Variants in RYR1 observed in about 807,000 individuals in gnomAD.
RYR1 encodes ryanodine receptor 1.
A neutral mutation model predicts 583.5 loss-of-function variants in RYR1; 342 were observed. The observed-to-expected ratio is 0.59, with a 90% confidence interval of 0.54 to 0.64. The LOEUF (loss-of-function observed/expected upper bound fraction) is 0.64. RYR1 is among the 30% of genes least tolerant of loss of function. RYR1 has a pLI of 0.00. For synonymous variants in RYR1, 2,791 were observed against 2,822.5 expected, an observed-to-expected ratio of 0.99 and a Z score of 0.35; for missense variants, 6,032 against 6,917.2, an observed-to-expected ratio of 0.87 and a Z score of 4.54.
chr19:38,440,831 C>T lies in RYR1; in HGVS notation c.132C>T (p.Arg44=). Residue 44 remains arginine (R), a synonymous_variant, in exon 2 of 106, where the codon CGC becomes CGT. Transcript: ENST00000359596. ...LCLAAEGFGN[R]LCFLEPTSNA... is the part of the protein sequence containing the mutation. The stretch of plus-strand genomic sequence containing the variant: ...TGGCCGCCGAGGGCTTCGGCAACCG[C>T]CTGTGCTTCCTGGAGCCCACTAGCA... 1 of 1,611,360 alleles carries T rather than the reference C, an allele frequency of 6.2e-7. No individual in the cohort carries two copies. The highest frequency in any genetic ancestry group is 1.1e-5 in the South Asian group (1 of 90,640).
At chr19:38,456,122 C>G (rs1967371509) in intron 16 of RYR1, among the ~76,000 whole-genome samples, 1 of 144,836 alleles carries the variant, frequency 6.9e-6, no homozygotes, top group Non-Finnish European at 1.5e-5. Context: ...CAGGCACACA[C>G]CACCACGCCC....
At chr19:38,494,765 G>A in intron 39 of RYR1, 140 bp downstream of exon 39, 1 of 1,042,442 alleles carries the variant, frequency 9.6e-7, no homozygotes. Flanking sequence ...TCACCTCCTG[G>A]GTAATGTCTC....
intron 30 of RYR1, 35 bp downstream of exon 30, chr19:38,477,905 TGGGGA>T: frequency 3.3e-6 from 2 of 604,510 alleles, no homozygotes; most frequent in Non-Finnish European, 5.6e-6. Context: ...AGGTGCAGGG[TGGGGA>T]GGGCAGGAGG....
intron 88 of RYR1, 131 bp from the exon 89 acceptor site, chr19:38,548,102 T>C: frequency 1.0e-6 from 1 of 960,022 alleles, no homozygotes; most frequent in Non-Finnish European, 1.6e-6. Context: ...AAGGGACCTG[T>C]GGAGGGGAGG....
At position 38,583,449 on chromosome 19, in the gene RYR1, G is replaced by A. The variant is rs144241132; in HGVS notation, c.14647-1494G>A. The stretch of plus-strand genomic sequence containing the variant: ...GCCAATATTGCACCACAGCACTCCA[G>A]CCTGGGCAACAGAGCAAGACTCTGT... On this transcript the variant is annotated intron_variant, in intron 101 of 105. Transcript: ENST00000359596. 5.1e-3 allele frequency among the ~76,000 whole-genome samples: 764 copies of A among 149,232 alleles called. 14 individuals carry two copies. The highest frequency in any genetic ancestry group is 4.8e-3 in the Non-Finnish European group (321 of 67,572).
chr19:38,543,466 TG>T lies in RYR1; in HGVS notation c.11778+34del. ...GACGTGAGACGGTTCAGGTGTGACT[TG>T]GGTCGGGGGCTGCAGGGCCATGGTC... On this transcript the variant is annotated intron_variant, in intron 85 of 105. Transcript: ENST00000359596. This position sits in a 1 kb window ranked among gnomAD's most constrained non-coding sequence, Gnocchi z 4.4. 2 of 1,614,198 alleles carry T rather than the reference TG, an allele frequency of 1.2e-6. No individual in the cohort carries two copies. The highest frequency in any genetic ancestry group is 1.7e-6 in the Non-Finnish European group (2 of 1,180,034).
intron 88 of RYR1, among the ~76,000 whole-genome samples, chr19:38,547,205 A>ATTTTTTTTTTT (rs1204178433): frequency 8.1e-6 from 1 of 123,666 alleles, no homozygotes. Context: ...CACCTGGCTA[A>ATTTTTTTTTTT]TTTTTTTTTT....
At position 38,532,550 on chromosome 19, in the gene RYR1, C is replaced by CT. The variant is rs1568546599; in HGVS notation, c.11193+10dup. 6.2e-7 allele frequency: 1 copy of CT among 1,614,122 alleles called. No individual in the cohort carries two copies. Among genetic ancestry groups the CT allele is most frequent in the Non-Finnish European group, 8.5e-7 (1 of 1,179,996 alleles). ...CTGATATCATGGCAAAGGTGAGGCCCTACCCCCCTCTTCTGGGGCAGATTT... is the reference window on the plus strand; with the variant it reads ...CTGATATCATGGCAAAGGTGAGGCCCTTACCCCCCTCTTCTGGGGCAGATTT... On this transcript the variant is annotated intron_variant, in intron 77 of 105. Coordinates refer to ENST00000359596, the MANE Select transcript of RYR1 (RefSeq NM_000540.3).
chr19:38,533,814 T>A (rs1425512150), intron 78 of RYR1, among the ~76,000 whole-genome samples: 1 of 150,514 alleles, frequency 6.6e-6, no homozygotes, highest in African/African-American at 2.4e-5. Flanking sequence ...TAGCAGTAGA[T>A]CCAACAGCTA....
At chr19:38,554,397 G>A (rs1972794356) in intron 89 of RYR1, among the ~76,000 whole-genome samples, 2 of 150,168 alleles carry the variant, frequency 1.3e-5, no homozygotes, top group Admixed American at 6.7e-5. Context: ...GTTGCAGTGA[G>A]CTGAGATTGC....
rs561053716 is a variant in RYR1 at position 38,581,793 on chromosome 19, TG to T, written c.14646+1296del. ...TTTGTATTTTTAGTAGAGATGGAGGTGGGGGGGTCTCACAATGTTGGCCAGG... is the reference window on the plus strand; with the variant it reads ...TTTGTATTTTTAGTAGAGATGGAGGTGGGGGGTCTCACAATGTTGGCCAGG... On this transcript the variant is annotated intron_variant, in intron 101 of 105. Coordinates refer to ENST00000359596, the MANE Select transcript of RYR1 (RefSeq NM_000540.3). 1.1e-4 allele frequency among the ~76,000 whole-genome samples: 16 copies of T among 150,990 alleles called. No homozygotes were observed. The South Asian group carries it at 1.3e-3, about 12-fold the overall frequency.
At chr19:38,494,754 C>T (rs1568494250) in intron 39 of RYR1, 129 bp downstream of exon 39, 2 of 1,157,292 alleles carry the variant, frequency 1.7e-6, no homozygotes, top group Admixed American at 3.7e-5. Context: ...CGATGGCTAG[C>T]TCACCTCCTG....
chr19:38,469,570 C>T, intron 27 of RYR1, 57 bp downstream of exon 27: 1 of 1,511,622 alleles, frequency 6.6e-7, no homozygotes, highest in South Asian at 1.1e-5. Context: ...CTTCCTTCCA[C>T]AGTGCTCTTC....
chr19:38,523,717 T>C, intron 69 of RYR1, 198 bp from the exon 70 acceptor site: 3 of 661,338 alleles, frequency 4.5e-6, no homozygotes, highest in Non-Finnish European at 8.3e-6. Context: ...CTTTCCTCCC[T>C]ATCCTTCTCA....
chr19:38,470,140 T>G (rs1197162301), intron 27 of RYR1, among the ~76,000 whole-genome samples: 1 of 146,922 alleles, frequency 6.8e-6, no homozygotes, highest in Non-Finnish European at 1.5e-5. Flanking sequence ...CACTCCAGCC[T>G]GGGCAAGGAG....
chr19:38,442,517 T>C, intron 3 of RYR1, 64 bp downstream of exon 3: 2 of 1,222,188 alleles, frequency 1.6e-6, no homozygotes, highest in Admixed American at 3.4e-5. Context: ...AGGGGTCGTT[T>C]AGGGCACGGT....
At position 38,455,735 on chromosome 19, in the gene RYR1, A is replaced by G; in HGVS notation, c.1775A>G (p.His592Arg). ...TCCATCATCTCCCTCCTGGACAAGC[A>G]TGGGAGGAACCACAAGGTCGGCCCC... is the stretch of plus-strand genomic sequence containing the variant. ...IKSIISLLDK[H>R]GRNHKVLDVL... The change falls in exon 16 of 106, where the codon CAT becomes CGT. Residue 592 changes from histidine (H) to arginine (R), a missense_variant. His to Arg is a conservative substitution (Grantham distance 29). Around this residue, in one of 11 missense-constraint regions of RYR1, gnomAD observed 2,627 missense variants for 2,961.3 expected, o/e 0.89. Transcript: ENST00000359596. The G allele has an allele frequency of 6.2e-7, 1 of 1,610,260 alleles. No individual in the cohort carries two copies. The highest frequency in any genetic ancestry group is 8.5e-7 in the Non-Finnish European group (1 of 1,176,930).
rs757633472 is a variant in RYR1 at position 38,527,703 on chromosome 19, T to C, written c.10743T>C (p.Gly3581=). 6.2e-7 allele frequency: 1 copy of C among 1,613,792 alleles called. No individual in the cohort carries two copies. The highest frequency in any genetic ancestry group is 8.5e-7 in the Non-Finnish European group (1 of 1,179,920). Reference sequence around the variant, plus strand: ...TGGCTCTGTACCGGGGCGTCCCGGGTCGCGAGGAGGACGCCGATGACCCCG... The same window carrying C: ...TGGCTCTGTACCGGGGCGTCCCGGGCCGCGAGGAGGACGCCGATGACCCCG... The part of the protein sequence containing the change: ...WQMALYRGVP[G]REEDADDPEK... Residue 3581 remains glycine, a synonymous_variant, in exon 73 of 106, where the codon GGT becomes GGC. Coordinates refer to ENST00000359596, the MANE Select transcript of RYR1 (RefSeq NM_000540.3).
chr19:38,536,854 C>G (rs1971993531), intron 83 of RYR1, 87 bp downstream of exon 83: 2 of 1,437,738 alleles, frequency 1.4e-6, no homozygotes, highest in Non-Finnish European at 2.0e-6. Context: ...GGCTGAGGAT[C>G]TGGGACGTGG....
Sources: gnomAD v4.1 joint callset for allele counts (sites outside exome capture counted in the v4.1 genomes callset) on GRCh38, gnomAD v4.1.1 for gene constraint, gnomAD v4.1.1 regional missense constraint, Gnocchi (gnomAD v3.1) non-coding constraint, MANE v1.5 for transcripts, NCBI Gene and HGNC (gene_info 2026-07-23, HGNC 2026-07-21) for gene names.